ROR1: variants seen among roughly 807,000 people sequenced by gnomAD.
ROR1 encodes the protein inactive tyrosine-protein kinase transmembrane receptor ROR1.
In ROR1, 19 loss-of-function variants were observed where a neutral mutation model predicts 78.8. The observed-to-expected ratio is 0.24, with a 90% CI of 0.17 to 0.35. The LOEUF (loss-of-function observed/expected upper bound fraction) is 0.35, where lower values mean the gene tolerates loss of function less well. Among genes scored for constraint, ROR1 ranks in the 10% least tolerant of loss-of-function variants. The pLI is 1.00. For missense variants in ROR1, 917 were observed against 1,177.8 expected, an observed-to-expected ratio of 0.78 and a Z score of 3.24; for synonymous variants, 386 against 433.6, an observed-to-expected ratio of 0.89 and a Z score of 1.36.
At chr1:64,118,498 A>G (rs1648399001) in intron 4 of ROR1, among the ~76,000 whole-genome samples, 1 of 151,818 alleles carries the variant, frequency 6.6e-6, no homozygotes, top group Non-Finnish European at 1.5e-5. Flanking sequence ...ATGGTGGTGC[A>G]TGCCTGTAAT....
intron 1 of ROR1, among the ~76,000 whole-genome samples, chr1:63,805,241 C>T (rs1026069203): frequency 4.6e-5 from 7 of 152,138 alleles, no homozygotes; most frequent in Admixed American, 2.0e-4. Context: ...GGGGAAGGAA[C>T]GAGGAGGGAG....
intron 1 of ROR1, among the ~76,000 whole-genome samples, chr1:63,792,413 T>A (rs1569717457): frequency 6.6e-6 from 1 of 152,044 alleles, no homozygotes; most frequent in African/African-American, 2.4e-5. Flanking sequence ...AAACCAAGCA[T>A]CCAGATAATA....
intron 4 of ROR1, among the ~76,000 whole-genome samples, chr1:64,062,094 G>A (rs989515823): frequency 1.3e-5 from 2 of 152,164 alleles, no homozygotes; most frequent in African/African-American, 4.8e-5. Context: ...GGGTGCAGAG[G>A]AAGTTACTGC....
chr1:64,130,652 C>A (rs1569824295), intron 4 of ROR1, among the ~76,000 whole-genome samples: 2 of 152,166 alleles, frequency 1.3e-5, no homozygotes, highest in South Asian at 4.1e-4. Flanking sequence ...CTTGAAGTCT[C>A]CTCCAGAAGA....
intron 4 of ROR1, among the ~76,000 whole-genome samples, chr1:64,112,485 C>T (rs1648139735): frequency 6.6e-6 from 1 of 152,114 alleles, no homozygotes; most frequent in Non-Finnish European, 1.5e-5. Flanking sequence ...AGTAACTTGT[C>T]CTGGACTTGG....
At chr1:63,816,836 C>T (rs1040081381) in intron 1 of ROR1, among the ~76,000 whole-genome samples, 7 of 152,228 alleles carry the variant, frequency 4.6e-5, no homozygotes, top group African/African-American at 1.7e-4. Context: ...TGCGTGTGCT[C>T]ATGTAAGAAA....
intron 4 of ROR1, among the ~76,000 whole-genome samples, chr1:64,084,159 C>CT (rs1259219066): frequency 6.6e-6 from 1 of 152,196 alleles, no homozygotes; most frequent in Non-Finnish European, 1.5e-5. Flanking sequence ...TACTTATTTG[C>CT]TTTGTTTGAA....
intron 1 of ROR1, among the ~76,000 whole-genome samples, chr1:63,989,673 C>G (rs1013267217): frequency 6.6e-6 from 1 of 152,142 alleles, no homozygotes; most frequent in South Asian, 2.1e-4. Flanking sequence ...TTGCTTTGGT[C>G]GAACACTCTG....
intron 4 of ROR1, among the ~76,000 whole-genome samples, chr1:64,131,558 T>A (rs1048569789): frequency 6.9e-6 from 1 of 143,968 alleles, no homozygotes; most frequent in African/African-American, 2.6e-5. Context: ...ATTTTTTTTT[T>A]AATTAAGGTG....
Position 63,793,960 on chromosome 1 carries a change from C to T in ROR1, c.91+19452C>T, listed in dbSNP as rs560934906. Among the ~76,000 whole-genome samples the T allele has an allele frequency of 1.6e-4, 25 of 152,260 alleles. No individual in the cohort carries two copies. In the South Asian group the frequency reaches 2.7e-3, roughly 16 times the overall value. On this transcript the variant is annotated intron_variant, in intron 1 of 8. Coordinates refer to ENST00000371079, the MANE Select transcript of ROR1 (RefSeq NM_005012.4). ...GACCCCAGGGAAAGACTCCTGTCTCCGTTGTGTGCACCTAGGATTAGATAG... is the reference window on the plus strand; with the variant it reads ...GACCCCAGGGAAAGACTCCTGTCTCTGTTGTGTGCACCTAGGATTAGATAG...
rs999295843 is a variant in ROR1 at position 64,179,066 on chromosome 1, T to C, written c.*211T>C. On this transcript the variant is annotated 3_prime_UTR_variant, in exon 9 of 9. Transcript: ENST00000371079. ...AAAAAACAAGCAAACAAAAACATTGTGGGATGTGCACTCCATTGGAGTGCA... is the reference window on the plus strand; with the variant it reads ...AAAAAACAAGCAAACAAAAACATTGCGGGATGTGCACTCCATTGGAGTGCA... 5.7e-5 allele frequency: 29 copies of C among 513,116 alleles called. No individual in the cohort carries two copies. Among genetic ancestry groups the C allele is most frequent in the Non-Finnish European group, 9.4e-5 (28 of 296,766 alleles). 31.8% of individuals were successfully genotyped at this position (513,116 alleles called of 1,614,324 possible). A position where few individuals can be genotyped will look rare whatever the true frequency, so the allele number is the denominator to read the frequency against.
chr1:63,834,777 G>C (rs1323322788), intron 1 of ROR1, among the ~76,000 whole-genome samples: 2 of 152,102 alleles, frequency 1.3e-5, no homozygotes, highest in Non-Finnish European at 2.9e-5. Flanking sequence ...GTGGACTACT[G>C]TTCCAAGATC....
intron 4 of ROR1, among the ~76,000 whole-genome samples, chr1:64,118,889 A>G (rs1648420435): frequency 1.3e-5 from 2 of 152,160 alleles, no homozygotes; most frequent in South Asian, 4.1e-4. Context: ...AAATTTTAAA[A>G]GATTTCATGT....
At chr1:64,080,267 A>C (rs61765399) in intron 4 of ROR1, among the ~76,000 whole-genome samples, 22,508 of 152,044 alleles carry the variant, frequency 0.15, 1,733 homozygotes, top group Middle Eastern at 0.19. Context: ...TTTGATTGTC[A>C]TGACTGGAGA....
chr1:63,911,685 A>G (rs1645571487), intron 1 of ROR1, among the ~76,000 whole-genome samples: 1 of 151,856 alleles, frequency 6.6e-6, no homozygotes, highest in South Asian at 2.1e-4. Flanking sequence ...TGTTGGTTGT[A>G]GTATTGTGTC....
chr1:64,026,521 T>C (rs1013452782), intron 2 of ROR1, among the ~76,000 whole-genome samples: 1 of 152,200 alleles, frequency 6.6e-6, no homozygotes, highest in African/African-American at 2.4e-5. Context: ...GTATAATTTA[T>C]GCTTAATAAA....
intron 5 of ROR1, among the ~76,000 whole-genome samples, chr1:64,137,816 G>C (rs1433797950): frequency 2.0e-5 from 3 of 152,196 alleles, no homozygotes; most frequent in Middle Eastern, 6.3e-3. Context: ...AGCCAGGTAC[G>C]TCTCTGCCCT....
chr1:64,163,303 A>AGCTACTC (rs1390711474), intron 8 of ROR1, among the ~76,000 whole-genome samples: 1 of 151,648 alleles, frequency 6.6e-6, no homozygotes, highest in African/African-American at 2.4e-5. Flanking sequence ...CTATACTCAG[A>AGCTACTC]GCTACTCGGG....
chr1:63,942,083 G>A (rs1645845604), intron 1 of ROR1, among the ~76,000 whole-genome samples: 1 of 152,152 alleles, frequency 6.6e-6, no homozygotes, highest in Non-Finnish European at 1.5e-5. Flanking sequence ...TTTCTCCTGT[G>A]CCCAGCACCC....
Sources: allele counts gnomAD v4.1 joint callset (sites outside exome capture counted in the v4.1 genomes callset), GRCh38; gene constraint gnomAD v4.1.1; transcripts MANE v1.5; gene names NCBI Gene and HGNC (gene_info 2026-07-23, HGNC 2026-07-21).